Variants in ZCCHC17 observed in about 807,000 individuals in gnomAD.
The protein encoded by ZCCHC17 is zinc finger CCHC-type containing 17.
A neutral mutation model predicts 30.6 loss-of-function variants in ZCCHC17; 18 were observed. That is an observed-to-expected ratio of 0.59 (90% confidence interval 0.41 to 0.87). The LOEUF (loss-of-function observed/expected upper bound fraction) is 0.87. ZCCHC17 is among the 40% of genes least tolerant of loss of function. ZCCHC17 has a pLI of 0.00. For synonymous variants in ZCCHC17, 88 were observed against 92.4 expected (o/e 0.95, Z 0.27); for missense variants, 263 against 284.2 (o/e 0.93, Z 0.54).
chr1:31,307,783 C>T (rs1646501880), intron 1 of ZCCHC17, among the ~76,000 whole-genome samples: 1 of 152,050 alleles, frequency 6.6e-6, no homozygotes, highest in South Asian at 2.1e-4. Context: ...CCGTGTTGGC[C>T]AGGCTGGTCT....
chr1:31,342,839 A>G (rs1487356055), intron 5 of ZCCHC17, among the ~76,000 whole-genome samples: 1 of 152,218 alleles, frequency 6.6e-6, no homozygotes, highest in Non-Finnish European at 1.5e-5. Flanking sequence ...AATAGGTGGT[A>G]TTTGAGTTAG....
chr1:31,321,884 A>T (rs1190974667), intron 3 of ZCCHC17, among the ~76,000 whole-genome samples: 1 of 152,234 alleles, frequency 6.6e-6, no homozygotes. Flanking sequence ...TATGTAACAT[A>T]CTTGAAATGA....
chr1:31,356,188 A>G (rs577308806), intron 7 of ZCCHC17, among the ~76,000 whole-genome samples: 1 of 152,338 alleles, frequency 6.6e-6, no homozygotes, highest in East Asian at 1.9e-4. Context: ...CTAATCATAT[A>G]AGGAGAAAGA....
At chr1:31,297,328 G>T in intron 1 of ZCCHC17, 2 of 396,190 alleles carry the variant, frequency 5.0e-6, no homozygotes, top group Middle Eastern at 6.3e-4. Flanking sequence ...GGCCAGTCCT[G>T]TGCCGGGCAT....
At chr1:31,327,452 G>A (rs751664355) in intron 3 of ZCCHC17, among the ~76,000 whole-genome samples, 13 of 152,160 alleles carry the variant, frequency 8.5e-5, no homozygotes, top group Non-Finnish European at 1.5e-4. Context: ...TACTTTCCAC[G>A]GTTTCAGTTA....
chr1:31,310,172 C>A lies in ZCCHC17; in HGVS notation c.66+8C>A. Reference sequence around the variant, plus strand: ...ACTATTTTCCAAGGAGAGGTATATTCTTTTGTGCTTTGAAAACCCACCATT... The same window carrying A: ...ACTATTTTCCAAGGAGAGGTATATTATTTTGTGCTTTGAAAACCCACCATT... On this transcript the variant is annotated splice_region_variant and intron_variant, in intron 2 of 7. Coordinates refer to ENST00000344147, the MANE Select transcript of ZCCHC17 (RefSeq NM_016505.4). The A allele has an allele frequency of 6.2e-7, 1 of 1,613,774 alleles. No individual in the cohort carries two copies. Among genetic ancestry groups the A allele is most frequent in the Admixed American group, 1.7e-5 (1 of 59,978 alleles).
chr1:31,302,333 C>T (rs1054326105), intron 1 of ZCCHC17, among the ~76,000 whole-genome samples: 9 of 152,148 alleles, frequency 5.9e-5, no homozygotes, highest in Non-Finnish European at 1.2e-4. Flanking sequence ...TGTGTTCCCC[C>T]CTCTTTCTCT....
At chr1:31,350,463 CTT>C (rs1204349199) in intron 7 of ZCCHC17, among the ~76,000 whole-genome samples, 1 of 152,032 alleles carries the variant, frequency 6.6e-6, no homozygotes, top group Admixed American at 6.6e-5. Flanking sequence ...CCTCCTGAGA[CTT>C]TAGCTGCATT....
At chr1:31,331,116 A>G (rs897930254) in intron 3 of ZCCHC17, among the ~76,000 whole-genome samples, 1 of 152,128 alleles carries the variant, frequency 6.6e-6, no homozygotes, top group Non-Finnish European at 1.5e-5. Context: ...AGGAGACTGA[A>G]ATCTAGTTGA....
intron 3 of ZCCHC17, among the ~76,000 whole-genome samples, chr1:31,330,836 TTATATGG>T (rs1638553995): frequency 6.6e-6 from 1 of 152,168 alleles, no homozygotes; most frequent in South Asian, 2.1e-4. Flanking sequence ...CTCAAATATT[TTATATGG>T]TGTCCTCTAC....
intron 7 of ZCCHC17, among the ~76,000 whole-genome samples, chr1:31,349,680 C>A (rs928689157): frequency 6.6e-6 from 1 of 152,200 alleles, no homozygotes; most frequent in African/African-American, 2.4e-5. Flanking sequence ...GCTACACATA[C>A]ATGTAAATAC....
Position 31,337,173 on chromosome 1 carries a change from A to G in ZCCHC17, c.125-2A>G. ...TACGTTATTTCTTCTTCTTGTGCCC[A>G]GGTCTGGTCCATCGAACTCATATGT... On this transcript the variant is annotated splice_acceptor_variant, in intron 3 of 7. Transcript: ENST00000344147. LOFTEE classifies it high-confidence loss of function. The G allele has an allele frequency of 6.2e-7, 1 of 1,613,362 alleles. No homozygotes were observed. Among genetic ancestry groups the G allele is most frequent in the Non-Finnish European group, 8.5e-7 (1 of 1,179,552 alleles).
In ZCCHC17 at chr1:31,364,312, T is replaced by C; in HGVS notation, c.*119T>C. 1 of 1,436,316 alleles carries C rather than the reference T, an allele frequency of 7.0e-7. No individual in the cohort carries two copies. Among genetic ancestry groups the C allele is most frequent in the East Asian group, 2.5e-5 (1 of 40,104 alleles). The allele number at this position is 1,436,316 out of a possible 1,614,324, so 89.0% of individuals were successfully genotyped here. On this transcript the variant is annotated 3_prime_UTR_variant, in exon 8 of 8. Transcript: ENST00000344147. ...TCCCACCCCATTAACTTCGCTCCCA[T>C]GGGAGATGGCTTCCCCTCATGCAAC...
At chr1:31,330,206 C>A (rs755558720) in intron 3 of ZCCHC17, among the ~76,000 whole-genome samples, 2 of 152,188 alleles carry the variant, frequency 1.3e-5, no homozygotes, top group Non-Finnish European at 2.9e-5. Flanking sequence ...TTGAACCTAA[C>A]GCAGTTGGGG....
intron 1 of ZCCHC17, among the ~76,000 whole-genome samples, chr1:31,307,029 G>A (rs1434690758): frequency 6.6e-6 from 1 of 152,064 alleles, no homozygotes; most frequent in Non-Finnish European, 1.5e-5. Context: ...GTAGAGACGG[G>A]GTTTCACTAT....
chr1:31,318,053 A>T, intron 2 of ZCCHC17: 1 of 770,568 alleles, frequency 1.3e-6, no homozygotes, highest in Non-Finnish European at 2.0e-6. Context: ...CTGTACAGTG[A>T]CATAAGGATT....
At chr1:31,358,071 A>G (rs1381138934) in intron 7 of ZCCHC17, among the ~76,000 whole-genome samples, 1 of 152,232 alleles carries the variant, frequency 6.6e-6, no homozygotes, top group Non-Finnish European at 1.5e-5. Context: ...GGCCTTTCTC[A>G]TAAAGTGTTG....
intron 1 of ZCCHC17, among the ~76,000 whole-genome samples, chr1:31,298,105 G>A (rs943582604): frequency 2.6e-5 from 4 of 152,198 alleles, no homozygotes; most frequent in Admixed American, 6.5e-5. Flanking sequence ...GATGTATGTG[G>A]ACCACTTGGG....
intron 3 of ZCCHC17, among the ~76,000 whole-genome samples, chr1:31,329,106 C>A (rs566680972): frequency 4.5e-4 from 68 of 152,146 alleles, no homozygotes; most frequent in Non-Finnish European, 8.1e-4. Flanking sequence ...TTAAAATAAA[C>A]TCAGGTATAA....
Sources: allele counts gnomAD v4.1 joint callset (sites outside exome capture counted in the v4.1 genomes callset), GRCh38; gene constraint gnomAD v4.1.1; transcripts MANE v1.5; gene names NCBI Gene and HGNC (gene_info 2026-07-23, HGNC 2026-07-21).